Variants in TACC1 observed in about 807,000 individuals in gnomAD.
TACC1 encodes the protein transforming acidic coiled-coil containing protein 1, also known as transforming acidic coiled-coil-containing protein 1.
Under a neutral mutation model 84.4 loss-of-function variants are expected in TACC1, and 48 were observed. That is an observed-to-expected ratio of 0.57 (90% confidence interval 0.45 to 0.72). The LOEUF (loss-of-function observed/expected upper bound fraction) is 0.72. Among genes scored for constraint, TACC1 ranks in the 30% least tolerant of loss-of-function variants. The pLI is 0.00. For synonymous variants in TACC1, 372 were observed against 376.3 expected (o/e 0.99, Z 0.13); for missense variants, 920 against 973.0 (o/e 0.95, Z 0.72).
intron 2 of TACC1, among the ~76,000 whole-genome samples, chr8:38,817,941 A>G (rs894583310): frequency 1.3e-5 from 2 of 148,550 alleles, no homozygotes; most frequent in Non-Finnish European, 1.5e-5. Context: ...AAAAAAAAAA[A>G]AAAAAACAGG....
In TACC1 at chr8:38,825,368, G is replaced by A; in HGVS notation, c.1452G>A (p.Arg484=). The change falls in exon 4 of 13, where the codon CGG becomes CGA. Residue 484 remains arginine, a splice_region_variant and synonymous_variant. Transcript: ENST00000317827. ...CTCTCGCCCTGGATGCATGTTCTCG[G>A]GTGAGTCTGTGCCCATCTCCAGAAT... ...TQSLALDACS[R]DEGAVISQIS... is the part of the protein sequence containing the mutation. 1 of 1,614,090 alleles carries A rather than the reference G, an allele frequency of 6.2e-7. No homozygotes were observed. The highest frequency in any genetic ancestry group is 8.5e-7 in the Non-Finnish European group (1 of 1,179,990).
rs764948133 is a variant in TACC1, at chr8:38,820,294, T to C, written c.1050T>C (p.Thr350=). 10 of 1,613,864 alleles carry C rather than the reference T, an allele frequency of 6.2e-6. No homozygotes were observed. Residue 350 remains threonine (T), a synonymous_variant, in exon 3 of 13, where the codon ACT becomes ACC. Coordinates refer to ENST00000317827, the MANE Select transcript of TACC1 (RefSeq NM_006283.3). ...GCAGGAAACTGGGTAGCACACTGAC[T>C]CCCAAGATACAAAAAGATGGCATCA... ...KLGRKLGSTL[T]PKIQKDGISK...
intron 4 of TACC1, among the ~76,000 whole-genome samples, chr8:38,825,956 A>T (rs925920464): frequency 5.3e-5 from 8 of 152,234 alleles, no homozygotes; most frequent in African/African-American, 1.7e-4. Flanking sequence ...AATAAAATTG[A>T]TGTTGACCTT....
At chr8:38,766,689 A>G (rs868704958) in intron 3 of TACC1, among the ~76,000 whole-genome samples, 73 of 152,354 alleles carry the variant, frequency 4.8e-4, no homozygotes, top group African/African-American at 1.6e-3. Context: ...AAATCTGTGC[A>G]TTATCCCATT....
intron 2 of TACC1, among the ~76,000 whole-genome samples, chr8:38,804,637 CTT>C (rs1822226928): frequency 6.6e-6 from 1 of 152,236 alleles, no homozygotes; most frequent in East Asian, 1.9e-4. Context: ...GGTTCTCACT[CTT>C]TTTCCCAGCC....
chr8:38,830,060 C>T (rs538244009), intron 5 of TACC1, among the ~76,000 whole-genome samples: 3 of 152,256 alleles, frequency 2.0e-5, no homozygotes, highest in East Asian at 3.9e-4. Flanking sequence ...AAGGTCATAC[C>T]GTGGAATCTG....
intron 3 of TACC1, among the ~76,000 whole-genome samples, chr8:38,752,072 T>TG (rs1491279285): frequency 1.3e-5 from 2 of 152,324 alleles, no homozygotes; most frequent in East Asian, 3.9e-4. Context: ...AGTAGCATTC[T>TG]GGGGGTAGCG....
At chr8:38,730,876 C>T (rs1403369923) in intron 1 of TACC1, among the ~76,000 whole-genome samples, 1 of 152,116 alleles carries the variant, frequency 6.6e-6, no homozygotes, top group Non-Finnish European at 1.5e-5. Context: ...AAACTGTATC[C>T]CTGATAAACA....
At chr8:38,732,699 A>G (rs1437749821) in intron 1 of TACC1, among the ~76,000 whole-genome samples, 1 of 152,152 alleles carries the variant, frequency 6.6e-6, no homozygotes, top group African/African-American at 2.4e-5. Context: ...GGTGAATACT[A>G]TTATTATCCC....
intron 4 of TACC1, among the ~76,000 whole-genome samples, chr8:38,826,132 T>C (rs760402734): frequency 8.5e-5 from 13 of 152,192 alleles, no homozygotes; most frequent in Non-Finnish European, 1.8e-4. Flanking sequence ...TAGAGTTCAA[T>C]TTAACATAAC....
At chr8:38,744,536 G>A (rs917720902) in intron 2 of TACC1, among the ~76,000 whole-genome samples, 1 of 152,116 alleles carries the variant, frequency 6.6e-6, no homozygotes, top group Non-Finnish European at 1.5e-5. Context: ...ATCAGGGTTG[G>A]GTTTTGTTTA....
intron 1 of TACC1, among the ~76,000 whole-genome samples, chr8:38,731,440 TAGTTA>T (rs1804905032): frequency 6.6e-6 from 1 of 152,238 alleles, no homozygotes; most frequent in African/African-American, 2.4e-5. Context: ...AAGATAAGAT[TAGTTA>T]ATCCACATGA....
At chr8:38,835,960 C>A (rs1563916262) in intron 6 of TACC1, among the ~76,000 whole-genome samples, 1 of 152,210 alleles carries the variant, frequency 6.6e-6, no homozygotes, top group South Asian at 2.1e-4. Context: ...GAAGCTAAGA[C>A]CACTCTGATA....
chr8:38,785,726 A>G, upstream of TACC1: 1 of 985,408 alleles, frequency 1.0e-6, no homozygotes, highest in Non-Finnish European at 1.2e-6. Flanking sequence ...TAGAACCTGA[A>G]GTTTTACTGG....
At chr8:38,826,564 T>C (rs1315973541) in intron 4 of TACC1, among the ~76,000 whole-genome samples, 1 of 152,170 alleles carries the variant, frequency 6.6e-6, no homozygotes, top group East Asian at 1.9e-4. Context: ...ATAGAGACTT[T>C]TAAAAAGACT....
chr8:38,808,917 TG>T (rs2152115605), intron 2 of TACC1, among the ~76,000 whole-genome samples: 1 of 152,162 alleles, frequency 6.6e-6, no homozygotes, highest in South Asian at 2.1e-4. Flanking sequence ...CGCCTCTGCT[TG>T]TTTGGACCTT....
intron 5 of TACC1, 105 bp downstream of exon 5, chr8:38,827,480 T>G (rs1428994996): frequency 1.7e-6 from 2 of 1,189,144 alleles, no homozygotes; most frequent in Non-Finnish European, 2.4e-6. Context: ...TTGGGTCACT[T>G]GAAGGATAGA....
chr8:38,827,544 G>A, intron 5 of TACC1, 169 bp downstream of exon 5: 2 of 659,374 alleles, frequency 3.0e-6, no homozygotes, highest in Non-Finnish European at 5.2e-6. Context: ...GACACAAAGT[G>A]CTTATTGAAG....
intron 11 of TACC1, 96 bp from the exon 12 acceptor site, chr8:38,846,603 C>T: frequency 7.0e-7 from 1 of 1,436,812 alleles, no homozygotes; most frequent in Middle Eastern, 1.8e-4. Context: ...GAGGCCTGTG[C>T]CTCACAGATG....
Sources: gnomAD v4.1 joint callset for allele counts (sites outside exome capture counted in the v4.1 genomes callset) on GRCh38, gnomAD v4.1.1 for gene constraint, MANE v1.5 for transcripts, NCBI Gene and HGNC (gene_info 2026-07-23, HGNC 2026-07-21) for gene names.